The following GLRX variants were observed in gnomAD, a reference collection of about 807,000 sequenced individuals.
The protein encoded by GLRX is glutaredoxin, also known as glutaredoxin-1.
A neutral mutation model predicts 11.1 loss-of-function variants in GLRX; 9 were observed. That is an observed-to-expected ratio of 0.81 (90% CI 0.49 to 1.42). The LOEUF is 1.42. Ranked by LOEUF, GLRX falls within the 40% of genes most tolerant of loss-of-function variation. The pLI is 0.00. For synonymous variants in GLRX, 49 were observed against 49.5 expected (o/e 0.99, Z 0.04); for missense variants, 102 against 126.2 (o/e 0.81, Z 0.92).
chr5:95,815,465 A>G (rs1042213132), intron 2 of GLRX, among the ~76,000 whole-genome samples: 1 of 152,256 alleles, frequency 6.6e-6, no homozygotes. Context: ...AACCATCACA[A>G]ATAATGTATA....
intron 1 of GLRX, among the ~76,000 whole-genome samples, chr5:95,820,163 G>T (rs562805448): frequency 6.6e-6 from 1 of 151,760 alleles, no homozygotes; most frequent in East Asian, 1.9e-4. Context: ...ACCAGCCTGG[G>T]TAACATAACA....
At chr5:95,817,027 G>C (rs1190837484) in intron 1 of GLRX, 1 of 164,736 alleles carries the variant, frequency 6.1e-6, no homozygotes, top group Non-Finnish European at 1.3e-5. Flanking sequence ...GAAGGAGTTC[G>C]TTTCTAAATA....
At chr5:95,822,327 C>T in intron 1 of GLRX, 129 bp downstream of exon 1, 1 of 658,934 alleles carries the variant, frequency 1.5e-6, no homozygotes, top group Non-Finnish European at 2.6e-6. Context: ...TCCCCCACAC[C>T]CCCCGCCCCG....
intron 1 of GLRX, among the ~76,000 whole-genome samples, chr5:95,821,863 G>A (rs1289383402): frequency 6.6e-6 from 1 of 152,146 alleles, no homozygotes; most frequent in Non-Finnish European, 1.5e-5. Flanking sequence ...CACACAGCCA[G>A]CCATTATAAG....
Position 95,822,694 on chromosome 5 carries a change from C to G in GLRX, c.-32G>C. The G allele has an allele frequency of 6.3e-7, 1 of 1,586,578 alleles. No individual in the cohort carries two copies. The highest frequency in any genetic ancestry group is 1.3e-5 in the African/African-American group (1 of 74,496). ...GGGCTGCGGTCTCCCCGGGAAGAATCCTCAGTTGCAGGTATTGCTTGGGGT... is the reference window on the plus strand; with the variant it reads ...GGGCTGCGGTCTCCCCGGGAAGAATGCTCAGTTGCAGGTATTGCTTGGGGT... On this transcript the variant is annotated 5_prime_UTR_variant, in exon 1 of 3. Transcript: ENST00000237858.
At chr5:95,820,372 A>C (rs1747184920) in intron 1 of GLRX, among the ~76,000 whole-genome samples, 1 of 150,938 alleles carries the variant, frequency 6.6e-6, no homozygotes, top group African/African-American at 2.4e-5. Flanking sequence ...AAAAAAAAAA[A>C]AAACCTTAAA....
chr5:95,814,305 A>C lies in GLRX; in HGVS notation c.*91T>G, dbSNP rs1746903017. 1 of 152,652 alleles carries C rather than the reference A, an allele frequency of 6.6e-6. No individual in the cohort carries two copies. The highest frequency in any genetic ancestry group is 1.5e-5 in the Non-Finnish European group (1 of 68,056). The allele number at this position is 152,652 out of a possible 1,614,324, so 9.5% of individuals were successfully genotyped here. A position where few individuals can be genotyped will look rare whatever the true frequency, so the allele number is the denominator to read the frequency against. ...CACTTGTGCCTCTGATCCATATGACACCAAGACCAACTATGCTTTTCATAT... is the reference window on the plus strand; with the variant it reads ...CACTTGTGCCTCTGATCCATATGACCCCAAGACCAACTATGCTTTTCATAT... On this transcript the variant is annotated 3_prime_UTR_variant, in exon 3 of 3. Coordinates refer to ENST00000237858, the MANE Select transcript of GLRX (RefSeq NM_001118890.2).
In GLRX at chr5:95,816,848, C is replaced by T. The variant is rs570567367; in HGVS notation, c.208-222G>A. The T allele has an allele frequency of 1.2e-3, 463 of 395,038 alleles. 6 individuals are homozygous for T. In the Middle Eastern group the frequency reaches 0.015, roughly 12 times the overall value. The allele number at this position is 395,038 out of a possible 1,614,324, so 24.5% of individuals were successfully genotyped here. ...AAGAGTTTTCAAGTTGTGTGCTATG[C>T]ATGAGCTTGTCCAACTTGTCAAAGG... On this transcript the variant is annotated intron_variant, in intron 1 of 2. Coordinates refer to ENST00000237858, the MANE Select transcript of GLRX (RefSeq NM_001118890.2).
intron 1 of GLRX, chr5:95,819,574 A>G (rs1260237395): frequency 2.6e-5 from 4 of 152,164 alleles, no homozygotes; most frequent in Non-Finnish European, 5.9e-5. Flanking sequence ...CTGATTACCT[A>G]CTAGATACAG....
At chr5:95,822,364 C>G (rs1747273932) in intron 1 of GLRX, 92 bp downstream of exon 1, 3 of 804,388 alleles carry the variant, frequency 3.7e-6, no homozygotes, top group Middle Eastern at 2.8e-4. Context: ...CCTTGAAGTA[C>G]GGAGCCGCAG....
rs1271053858 is a variant in GLRX, at chr5:95,816,551, G to A, written c.283C>T (p.Leu95=). 1.2e-6 allele frequency: 2 copies of A among 1,608,920 alleles called. No individual in the cohort carries two copies. Residue 95 remains leucine (L), a synonymous_variant, in exon 2 of 3, where the codon CTG becomes TTG. Transcript: ENST00000237858. ...DLVSLQQSGE[L]LTRLKQIGAL... ...CCAATCTGCTTTAGCCGCGTCAGCAGTTCCCCACTCTGTTGCAAAGAGACT... is the reference window on the plus strand; with the variant it reads ...CCAATCTGCTTTAGCCGCGTCAGCAATTCCCCACTCTGTTGCAAAGAGACT...
intron 1 of GLRX, 150 bp from the exon 2 acceptor site, chr5:95,816,776 C>A: frequency 1.7e-6 from 1 of 579,432 alleles, no homozygotes. Context: ...GACTTCCTTT[C>A]TGTTATAAGG....
intron 1 of GLRX, among the ~76,000 whole-genome samples, chr5:95,819,917 A>AC (rs1747161084): frequency 6.6e-6 from 1 of 150,558 alleles, no homozygotes; most frequent in Admixed American, 6.6e-5. Flanking sequence ...AAAAAAAAAA[A>AC]AAAAACCCTC....
chr5:95,822,050 G>A (rs1218681249), intron 1 of GLRX, among the ~76,000 whole-genome samples: 4 of 152,148 alleles, frequency 2.6e-5, no homozygotes, highest in African/African-American at 9.7e-5. Flanking sequence ...TGAAGAACAT[G>A]AATCTCATGT....
chr5:95,820,178 C>A (rs917010759), intron 1 of GLRX, among the ~76,000 whole-genome samples: 2 of 151,326 alleles, frequency 1.3e-5, no homozygotes, highest in African/African-American at 4.9e-5. Flanking sequence ...ATAACAAGAC[C>A]CCCATCTGTA....
chr5:95,819,823 C>T (rs1180305106), intron 1 of GLRX, among the ~76,000 whole-genome samples: 1 of 128,688 alleles, frequency 7.8e-6, no homozygotes. Flanking sequence ...AGCGTGAACC[C>T]GGGAGGTGGA....
chr5:95,819,919 A>AAAAAAC (rs1747162092), intron 1 of GLRX, among the ~76,000 whole-genome samples: 1 of 148,456 alleles, frequency 6.7e-6, no homozygotes, highest in African/African-American at 2.5e-5. Context: ...AAAAAAAAAA[A>AAAAAAC]AAACCCTCGG....
At chr5:95,814,703 T>C (rs1423499239) in intron 2 of GLRX, 1 of 152,174 alleles carries the variant, frequency 6.6e-6, no homozygotes, top group South Asian at 2.1e-4. Context: ...AAGAGGACAA[T>C]TGAGGGTCAG....
intron 2 of GLRX, among the ~76,000 whole-genome samples, chr5:95,815,688 G>A (rs917212818): frequency 1.3e-5 from 2 of 152,190 alleles, no homozygotes; most frequent in Non-Finnish European, 2.9e-5. Flanking sequence ...AAACCATCAC[G>A]GTTCCCTTCT....
Sources: gnomAD v4.1 joint callset for allele counts (sites outside exome capture counted in the v4.1 genomes callset) on GRCh38, gnomAD v4.1.1 for gene constraint, MANE v1.5 for transcripts, NCBI Gene and HGNC (gene_info 2026-07-23, HGNC 2026-07-21) for gene names.